IDO2: variants seen among roughly 807,000 people sequenced by gnomAD.
The protein encoded by IDO2 is indoleamine 2,3-dioxygenase-like 1 protein.
A neutral mutation model predicts 45.1 loss-of-function variants in IDO2; 46 were observed. The ratio of observed to expected loss-of-function variants is 1.02; its 90% CI spans 0.80 to 1.30. The LOEUF is 1.30. IDO2 is among the 50% of genes most tolerant of loss of function. The pLI is 0.00. For synonymous variants in IDO2, 218 were observed against 184.9 expected (o/e 1.18, Z -1.45); for missense variants, 544 against 491.8 (o/e 1.11, Z -1.00).
intron 9 of IDO2, among the ~76,000 whole-genome samples, chr8:40,009,337 A>G (rs1402146213): frequency 6.6e-6 from 1 of 151,886 alleles, no homozygotes; most frequent in Non-Finnish European, 1.5e-5. Context: ...TTTTAAAAAC[A>G]TTTTTATTTA....
chr8:40,007,266 T>C (rs1217298685), intron 9 of IDO2, among the ~76,000 whole-genome samples: 1 of 151,950 alleles, frequency 6.6e-6, no homozygotes, highest in Non-Finnish European at 1.5e-5. Flanking sequence ...AAATCTACTA[T>C]ATTACATTGG....
At chr8:39,969,253 T>A (rs537272564) in intron 3 of IDO2, among the ~76,000 whole-genome samples, 1 of 152,240 alleles carries the variant, frequency 6.6e-6, no homozygotes, top group Non-Finnish European at 1.5e-5. Flanking sequence ...GGTGTCTGTG[T>A]GTCATATTTT....
chr8:39,953,022 C>T (rs946915277), intron 2 of IDO2, among the ~76,000 whole-genome samples: 5 of 151,858 alleles, frequency 3.3e-5, no homozygotes, highest in Admixed American at 6.6e-5. Flanking sequence ...CCCTCCTTGG[C>T]CTCCCAAAGT....
At chr8:39,935,300 A>G (rs1221079698) in intron 1 of IDO2, 82 bp downstream of exon 1, 3 of 1,141,660 alleles carry the variant, frequency 2.6e-6, no homozygotes, top group East Asian at 2.3e-5. Flanking sequence ...TAGCAACTCA[A>G]TTGGAAAATC....
intron 4 of IDO2, among the ~76,000 whole-genome samples, chr8:39,980,242 C>T (rs1356628001): frequency 6.6e-6 from 1 of 152,200 alleles, no homozygotes; most frequent in Non-Finnish European, 1.5e-5. Context: ...GCCCATTTTA[C>T]AACTGAAAAG....
At chr8:40,004,513 TAGAC>T (rs1563441248) in intron 8 of IDO2, among the ~76,000 whole-genome samples, 1 of 141,970 alleles carries the variant, frequency 7.0e-6, no homozygotes, top group Non-Finnish European at 1.5e-5. Context: ...GTAGACAGAT[TAGAC>T]AGACAGATGA....
At chr8:39,956,645 T>C (rs1053528916) in intron 2 of IDO2, among the ~76,000 whole-genome samples, 7 of 152,196 alleles carry the variant, frequency 4.6e-5, no homozygotes, top group Non-Finnish European at 8.8e-5. Flanking sequence ...TCTTATTCCC[T>C]GTTGAAGTTT....
intron 3 of IDO2, among the ~76,000 whole-genome samples, chr8:39,974,081 C>A (rs1404927422): frequency 1.3e-5 from 2 of 152,094 alleles, no homozygotes; most frequent in Non-Finnish European, 2.9e-5. Flanking sequence ...GATTATAAAA[C>A]AAATGAACCA....
chr8:39,991,239 T>C (rs1015377237), intron 8 of IDO2, among the ~76,000 whole-genome samples: 2 of 152,214 alleles, frequency 1.3e-5, no homozygotes, highest in Non-Finnish European at 2.9e-5. Flanking sequence ...CTCTATTTCC[T>C]TGAATTTTAA....
chr8:39,989,870 C>T (rs1808475979), intron 8 of IDO2, 32 bp downstream of exon 8: 3 of 1,467,110 alleles, frequency 2.0e-6, no homozygotes, highest in African/African-American at 1.4e-5. Context: ...TGAAGGATCC[C>T]CCAGGGGTCC....
intron 8 of IDO2, among the ~76,000 whole-genome samples, chr8:40,003,398 G>A (rs377140874): frequency 3.2e-5 from 1 of 30,982 alleles, no homozygotes; most frequent in Non-Finnish European, 8.4e-5. Flanking sequence ...AAAAGAAAAC[G>A]AGAATATATC....
At chr8:39,979,732 A>G (rs1210611600) in intron 4 of IDO2, among the ~76,000 whole-genome samples, 1 of 152,058 alleles carries the variant, frequency 6.6e-6, no homozygotes, top group Non-Finnish European at 1.5e-5. Context: ...ACTGGTAGCT[A>G]TTTCTTCCTT....
intron 1 of IDO2, among the ~76,000 whole-genome samples, chr8:39,945,273 C>CT (rs1807713069): frequency 6.6e-6 from 1 of 152,272 alleles, no homozygotes; most frequent in South Asian, 2.1e-4. Flanking sequence ...ATTCAATAGG[C>CT]TATAGGAGGA....
At chr8:39,963,367 T>C (rs1432686915) in intron 2 of IDO2, among the ~76,000 whole-genome samples, 1 of 152,254 alleles carries the variant, frequency 6.6e-6, no homozygotes, top group African/African-American at 2.4e-5. Context: ...ATTAAACATA[T>C]TTTACTGCAT....
chr8:39,965,452 A>G (rs1405308913), intron 3 of IDO2, among the ~76,000 whole-genome samples: 1 of 152,130 alleles, frequency 6.6e-6, no homozygotes, highest in Non-Finnish European at 1.5e-5. Context: ...ACACCACTGA[A>G]CTCTAGCCTG....
intron 2 of IDO2, among the ~76,000 whole-genome samples, chr8:39,962,879 T>A (rs995077333): frequency 2.6e-5 from 4 of 152,160 alleles, no homozygotes; most frequent in African/African-American, 9.7e-5. Flanking sequence ...ATAGGTAGTA[T>A]CAGAAAAGGC....
intron 1 of IDO2, among the ~76,000 whole-genome samples, chr8:39,947,922 G>A (rs564917912): frequency 8.6e-5 from 13 of 152,016 alleles, no homozygotes; most frequent in African/African-American, 3.1e-4. Flanking sequence ...CGAGTAGCTG[G>A]GATTACAGGC....
At chr8:39,945,821 G>C (rs1861904) in intron 1 of IDO2, among the ~76,000 whole-genome samples, 3 of 152,048 alleles carry the variant, frequency 2.0e-5, no homozygotes, top group Non-Finnish European at 4.4e-5. Flanking sequence ...AATTATGACT[G>C]AGACAGCGAA....
chr8:39,995,239 C>CCTT (rs1491184318), intron 8 of IDO2: 1 of 65,472 alleles, frequency 1.5e-5, no homozygotes, highest in East Asian at 3.1e-4. Flanking sequence ...TTCTCCTTCT[C>CCTT]CTTCTCCTTC....
Sources: allele counts gnomAD v4.1 joint callset (sites outside exome capture counted in the v4.1 genomes callset), GRCh38; gene constraint gnomAD v4.1.1; transcripts MANE v1.5; gene names NCBI Gene and HGNC (gene_info 2026-07-23, HGNC 2026-07-21).